The following SLC71A2 variants were observed in gnomAD, a reference collection of about 807,000 sequenced individuals.
SLC71A2 encodes hippocampus abundant transcript-like 1.
At chr9:94,456,390 C>G in the SLC71A2 span, 1 of 1,443,284 alleles carries the variant, frequency 6.9e-7, no homozygotes, top group Non-Finnish European at 9.8e-7. Flanking sequence ...GACCTCCCTG[C>G]TAGAAGCAGG....
chr9:94,375,486 G>A, the SLC71A2 span, among the ~76,000 whole-genome samples: 123,661 of 151,386 alleles, frequency 0.82, 51,415 homozygotes, highest in East Asian at 1. Context: ...TTCTGACAAT[G>A]ATACAGAAGC....
the SLC71A2 span, among the ~76,000 whole-genome samples, chr9:94,453,699 AG>A: frequency 1.3e-5 from 2 of 152,124 alleles, no homozygotes; most frequent in Non-Finnish European, 2.9e-5. Context: ...ATATCCTTTC[AG>A]GAAGTGCCAG....
chr9:94,419,191 G>A, the SLC71A2 span, among the ~76,000 whole-genome samples: 1 of 151,582 alleles, frequency 6.6e-6, no homozygotes, highest in Non-Finnish European at 1.5e-5. Flanking sequence ...ATAGCTCACT[G>A]CAACCTCAAA....
the SLC71A2 span, chr9:94,447,021 G>A: frequency 1.2e-5 from 9 of 725,298 alleles, no homozygotes; most frequent in East Asian, 1.0e-4. Context: ...GGAAACCACT[G>A]CAGAGGAAAA....
the SLC71A2 span, among the ~76,000 whole-genome samples, chr9:94,450,769 G>A: frequency 1.3e-5 from 2 of 152,122 alleles, no homozygotes; most frequent in Non-Finnish European, 1.5e-5. Context: ...GATTACAGGC[G>A]TGAGCCACTG....
the SLC71A2 span, chr9:94,444,993 C>G: frequency 6.2e-7 from 1 of 1,614,074 alleles, no homozygotes; most frequent in South Asian, 1.1e-5. Flanking sequence ...CTAGTCTTGT[C>G]AGCAGCCCGG....
chr9:94,448,188 C>T, the SLC71A2 span, among the ~76,000 whole-genome samples: 2 of 152,162 alleles, frequency 1.3e-5, no homozygotes, highest in Admixed American at 6.5e-5. Flanking sequence ...TTGAAGCCAG[C>T]TTGCTGAGGC....
At chr9:94,385,160 C>T in the SLC71A2 span, among the ~76,000 whole-genome samples, 4 of 152,128 alleles carry the variant, frequency 2.6e-5, no homozygotes, top group Non-Finnish European at 5.9e-5. Flanking sequence ...AGTTGATTTG[C>T]AAATTTTCTC....
At chr9:94,456,045 C>T in the SLC71A2 span, among the ~76,000 whole-genome samples, 4 of 152,050 alleles carry the variant, frequency 2.6e-5, no homozygotes, top group African/African-American at 9.7e-5. Flanking sequence ...TGTCCCCATC[C>T]TAGGCCATTC....
At chr9:94,379,962 G>C in the SLC71A2 span, among the ~76,000 whole-genome samples, 1 of 152,270 alleles carries the variant, frequency 6.6e-6, no homozygotes, top group East Asian at 1.9e-4. Context: ...CCCTATGGAA[G>C]CATTTTTGAA....
the SLC71A2 span, among the ~76,000 whole-genome samples, chr9:94,378,698 A>G: frequency 6.6e-6 from 1 of 152,202 alleles, no homozygotes. Flanking sequence ...ACAATTGAGA[A>G]GAGATCAGCC....
the SLC71A2 span, chr9:94,446,783 G>A: frequency 2.0e-6 from 2 of 1,014,876 alleles, no homozygotes; most frequent in Non-Finnish European, 3.1e-6. Context: ...ACATTAATGT[G>A]TATTGGCATT....
At chr9:94,396,614 T>C in the SLC71A2 span, among the ~76,000 whole-genome samples, 13 of 152,130 alleles carry the variant, frequency 8.5e-5, no homozygotes, top group Non-Finnish European at 1.5e-4. Context: ...TTTTTGGCCA[T>C]ATGTTACTCA....
the SLC71A2 span, among the ~76,000 whole-genome samples, chr9:94,431,770 G>A: frequency 2.0e-5 from 3 of 151,942 alleles, no homozygotes; most frequent in African/African-American, 2.4e-5. Context: ...CAACTGAGCC[G>A]ACGTCCCAGC....
the SLC71A2 span, among the ~76,000 whole-genome samples, chr9:94,402,951 G>C: frequency 1.3e-5 from 2 of 152,000 alleles, no homozygotes. Context: ...ACATTGTTGT[G>C]TACTCATTAC....
At chr9:94,458,452 C>T in the SLC71A2 span, 80 of 1,613,708 alleles carry the variant, frequency 5.0e-5, no homozygotes, top group South Asian at 1.5e-4. Context: ...ATTCTAACAA[C>T]GTTCCCCTGC....
chr9:94,374,534 G>A, the SLC71A2 span: 1 of 152,368 alleles, frequency 6.6e-6, no homozygotes, highest in African/African-American at 2.4e-5. Context: ...GCGGGGCACA[G>A]TCTCTTAACC....
At chr9:94,427,237 T>C in the SLC71A2 span, among the ~76,000 whole-genome samples, 1 of 152,214 alleles carries the variant, frequency 6.6e-6, no homozygotes, top group Non-Finnish European at 1.5e-5. Context: ...TTTAAAATTA[T>C]TATTGACTTG....
At chr9:94,392,038 C>T in the SLC71A2 span, among the ~76,000 whole-genome samples, 1 of 151,986 alleles carries the variant, frequency 6.6e-6, no homozygotes, top group Non-Finnish European at 1.5e-5. Context: ...TTATTTTTTC[C>T]TGACGTGTGT....
Sources: allele counts gnomAD v4.1 joint callset (sites outside exome capture counted in the v4.1 genomes callset), GRCh38; gene constraint gnomAD v4.1.1; transcripts MANE v1.5; gene names NCBI Gene and HGNC (gene_info 2026-07-23, HGNC 2026-07-21).